PTGR1: variants seen among roughly 807,000 people sequenced by gnomAD.
PTGR1 encodes the protein 15-oxoprostaglandin 13-reductase.
In PTGR1, 23 loss-of-function variants were observed where a neutral mutation model predicts 37.7. That is an observed-to-expected ratio of 0.61 (90% CI 0.44 to 0.86). PTGR1 has a LOEUF of 0.86. Among genes scored for constraint, PTGR1 ranks in the 40% least tolerant of loss-of-function variants. The pLI, the probability that PTGR1 is intolerant of heterozygous loss-of-function variation, is 0.00. For missense variants in PTGR1, 351 were observed against 394.3 expected, an observed-to-expected ratio of 0.89 and a Z score of 0.93; for synonymous variants, 134 against 140.0, an observed-to-expected ratio of 0.96 and a Z score of 0.30.
rs112624901 is a variant in PTGR1, at chr9:111,581,854, A to AT, written c.495+1617dup. 6.9e-4 allele frequency among the ~76,000 whole-genome samples: 105 copies of AT among 152,234 alleles called. 1 individual carries two copies. Among genetic ancestry groups the AT allele is most frequent in the African/African-American group, 2.4e-3 (100 of 41,546 alleles). ...ACCAAAAAGTTTTAATGATAATGAG[A>AT]TTTTTATTATTTATTAGATTATTGA... is the stretch of plus-strand genomic sequence containing the variant. On this transcript the variant is annotated intron_variant, in intron 6 of 9. Transcript: ENST00000407693.
chr9:111,573,337 G>C (rs562530035), intron 8 of PTGR1, among the ~76,000 whole-genome samples: 40 of 152,210 alleles, frequency 2.6e-4, no homozygotes, highest in African/African-American at 7.7e-4. Flanking sequence ...TTTCCTTCTT[G>C]GTAATGATTT....
chr9:111,586,782 ACTCTCTCT>A (rs35858814), intron 4 of PTGR1, among the ~76,000 whole-genome samples: 2 of 136,198 alleles, frequency 1.5e-5, no homozygotes, highest in Admixed American at 7.4e-5. Flanking sequence ...TTACTTTTCC[ACTCTCTCT>A]CTCTCTCTCT....
Position 111,592,929 on chromosome 9 carries a change from G to A in PTGR1, c.206C>T (p.Ala69Val), listed in dbSNP as rs971559438. Residue 69 changes from alanine (A) to valine (V), a missense_variant, in exon 4 of 10, where the codon GCC becomes GTC. By Grantham distance (64) the Ala-to-Val change is moderately conservative. Coordinates refer to ENST00000407693, the MANE Select transcript of PTGR1 (RefSeq NM_001146108.2). ...EGDTMMGQQV[A>V]KVVESKNVAL... ...TGGGACAAATGGAAATAATTACTTG[G>A]CCACTTGCTGCCCCATCATTGTATC... The A allele has an allele frequency of 6.5e-7, 1 of 1,533,728 alleles. No individual in the cohort carries two copies. The highest frequency in any genetic ancestry group is 8.7e-7 in the Non-Finnish European group (1 of 1,144,500).
At chr9:111,555,053 T>G (rs774292848) in intron 9 of PTGR1, among the ~76,000 whole-genome samples, 26 of 152,152 alleles carry the variant, frequency 1.7e-4, no homozygotes, top group Non-Finnish European at 3.5e-4. Context: ...TGGCTACCAT[T>G]ACTGGCGAGC....
chr9:111,567,346 C>T (rs1042533834), intron 9 of PTGR1, among the ~76,000 whole-genome samples: 5 of 152,106 alleles, frequency 3.3e-5, no homozygotes, highest in African/African-American at 1.2e-4. Flanking sequence ...CGCCACCATG[C>T]CCAGCTAATT....
chr9:111,549,908 G>T (rs1015722808), intron 9 of PTGR1: 4 of 689,644 alleles, frequency 5.8e-6, no homozygotes, highest in African/African-American at 5.5e-5. Context: ...TTTTTTGTTG[G>T]TTTATTTTGT....
chr9:111,553,968 G>A (rs1047994925), intron 9 of PTGR1, among the ~76,000 whole-genome samples: 11 of 152,152 alleles, frequency 7.2e-5, no homozygotes, highest in Non-Finnish European at 1.0e-4. Context: ...AACTTCCAAC[G>A]TCCCAGAGGC....
chr9:111,590,970 TTTCTGAAGGTCATATAA>T (rs1303124638), intron 4 of PTGR1, among the ~76,000 whole-genome samples: 34 of 141,410 alleles, frequency 2.4e-4, no homozygotes, highest in Non-Finnish European at 4.3e-4. Flanking sequence ...TGATAGCAGT[TTTCTGAAGGTCATATAA>T]TTCCATTTAA....
chr9:111,555,871 C>T (rs1463776482), intron 9 of PTGR1, among the ~76,000 whole-genome samples: 1 of 152,286 alleles, frequency 6.6e-6, no homozygotes, highest in South Asian at 2.1e-4. Context: ...TGGTCCCTCG[C>T]AAATCTCATG....
At chr9:111,553,625 T>C (rs370717570) in intron 9 of PTGR1, among the ~76,000 whole-genome samples, 10 of 152,264 alleles carry the variant, frequency 6.6e-5, no homozygotes, top group African/African-American at 2.4e-4. Flanking sequence ...ACACTAGTGA[T>C]AATGCACGTT....
At chr9:111,596,936 AAAAAAAAAAAAAGAG>A (rs1292556289) in intron 2 of PTGR1, among the ~76,000 whole-genome samples, 1 of 151,490 alleles carries the variant, frequency 6.6e-6, no homozygotes, top group Non-Finnish European at 1.5e-5. Flanking sequence ...CAAAAAAAAA[AAAAAAAAAAAAAGAG>A]AAAGTGCTTG....
chr9:111,551,387 G>A (rs954314866), intron 9 of PTGR1, among the ~76,000 whole-genome samples: 8 of 138,586 alleles, frequency 5.8e-5, no homozygotes, highest in Non-Finnish European at 1.1e-4. Flanking sequence ...ACTGAATCAA[G>A]TATCCAGTTT....
intron 6 of PTGR1, 74 bp from the exon 7 acceptor site, chr9:111,579,025 C>G: frequency 2.1e-6 from 3 of 1,418,742 alleles, no homozygotes; most frequent in African/African-American, 3.0e-5. Context: ...TTCCTGGTCT[C>G]GTATGCCTAG....
At chr9:111,595,496 A>G (rs1396581703) in intron 2 of PTGR1, among the ~76,000 whole-genome samples, 1 of 152,150 alleles carries the variant, frequency 6.6e-6, no homozygotes, top group African/African-American at 2.4e-5. Context: ...ACTCTCATGT[A>G]TTCATTCTTT....
intron 8 of PTGR1, among the ~76,000 whole-genome samples, chr9:111,571,774 G>T (rs1433448150): frequency 6.6e-6 from 1 of 152,136 alleles, no homozygotes; most frequent in African/African-American, 2.4e-5. Context: ...AAAATATTGG[G>T]ATTACAGGCA....
chr9:111,583,392 C>A, intron 6 of PTGR1, 80 bp downstream of exon 6: 4 of 1,213,710 alleles, frequency 3.3e-6, no homozygotes, highest in Non-Finnish European at 4.9e-6. Context: ...CTCCCTGAGG[C>A]CAAGGAAGAT....
intron 4 of PTGR1, among the ~76,000 whole-genome samples, chr9:111,586,797 CTCTCTCTA>C (rs896402881): frequency 2.0e-5 from 3 of 148,156 alleles, no homozygotes; most frequent in African/African-American, 5.0e-5. Flanking sequence ...CTCTCTCTCT[CTCTCTCTA>C]TATATATATA....
At chr9:111,560,944 A>AAT (rs746101013), downstream of PTGR1, among the ~76,000 whole-genome samples, 12 of 31,206 alleles carry the variant, frequency 3.8e-4, 2 homozygotes, top group East Asian at 1.2e-3. Flanking sequence ...CTCCATCTAA[A>AAT]ATATATATAT....
chr9:111,591,859 C>T (rs934346785), intron 4 of PTGR1, among the ~76,000 whole-genome samples: 14 of 152,160 alleles, frequency 9.2e-5, no homozygotes, highest in African/African-American at 3.1e-4. Flanking sequence ...TACAAAGTTG[C>T]ATGCAGGATT....
Sources: allele counts gnomAD v4.1 joint callset (sites outside exome capture counted in the v4.1 genomes callset), GRCh38; gene constraint gnomAD v4.1.1; transcripts MANE v1.5; gene names NCBI Gene and HGNC (gene_info 2026-07-23, HGNC 2026-07-21).